The following HSD17B4 variants were observed in gnomAD, a reference collection of about 807,000 sequenced individuals.
HSD17B4 encodes the protein peroxisomal multifunctional enzyme type 2.
In HSD17B4, 70 loss-of-function variants were observed where a neutral mutation model predicts 101.0. The observed-to-expected ratio is 0.69, with a 90% CI of 0.57 to 0.85. The LOEUF is 0.85. HSD17B4 is among the 40% of genes least tolerant of loss of function. The probability of loss-of-function intolerance (pLI) is 0.00; values close to 1 mark genes in which losing one functional copy is unlikely to be tolerated. For synonymous variants in HSD17B4, 347 were observed against 297.1 expected (o/e 1.17, Z -1.73); for missense variants, 984 against 892.4 (o/e 1.10, Z -1.31).
chr5:119,475,621 C>A, intron 4 of HSD17B4, 85 bp from the exon 5 acceptor site: 1 of 1,095,830 alleles, frequency 9.1e-7, no homozygotes, highest in Non-Finnish European at 1.4e-6. Context: ...TAAAAAACGC[C>A]AGTTTTGAGA....
At chr5:119,463,464 A>G (rs1755467707) in intron 2 of HSD17B4, among the ~76,000 whole-genome samples, 1 of 148,880 alleles carries the variant, frequency 6.7e-6, no homozygotes, top group Non-Finnish European at 1.5e-5. Context: ...ACTAATTTAC[A>G]TTTCCACCAA....
At chr5:119,518,147 C>G (rs28673725) in intron 17 of HSD17B4, among the ~76,000 whole-genome samples, 1,827 of 152,230 alleles carry the variant, frequency 0.012, 15 homozygotes, top group African/African-American at 0.022. Context: ...TCACTCTTTG[C>G]AATAAATCTT....
At chr5:119,503,979 T>G (rs1004267179) in intron 14 of HSD17B4, among the ~76,000 whole-genome samples, 1 of 152,116 alleles carries the variant, frequency 6.6e-6, no homozygotes, top group Non-Finnish European at 1.5e-5. Context: ...CCCATCTTTA[T>G]GTCCACGTGT....
Position 119,452,564 on chromosome 5 carries a change from C to A in HSD17B4, c.-12C>A, listed in dbSNP as rs780228266. 2.5e-6 allele frequency: 4 copies of A among 1,613,976 alleles called. No individual in the cohort carries two copies. The highest frequency in any genetic ancestry group is 3.4e-6 in the Non-Finnish European group (4 of 1,179,998). On this transcript the variant is annotated 5_prime_UTR_variant, in exon 1 of 24. Coordinates refer to ENST00000510025, the MANE Select transcript of HSD17B4 (RefSeq NM_000414.4). ...CTGCTTGTTCGTGTGTGTGTCGTTG[C>A]AGGCCTTATTCATGGGCTCACCGCT... is the stretch of plus-strand genomic sequence containing the variant.
At chr5:119,496,038 G>A (rs1291068394) in intron 11 of HSD17B4, among the ~76,000 whole-genome samples, 1 of 152,012 alleles carries the variant, frequency 6.6e-6, no homozygotes, top group Non-Finnish European at 1.5e-5. Context: ...TGGAGTCATT[G>A]GTTATGATGA....
At chr5:119,499,062 A>G (rs1207208576) in intron 12 of HSD17B4, among the ~76,000 whole-genome samples, 2 of 152,170 alleles carry the variant, frequency 1.3e-5, no homozygotes, top group African/African-American at 4.8e-5. Flanking sequence ...AGAGACAGGA[A>G]AGTTGAGTAT....
chr5:119,517,384 C>T (rs2431545), intron 17 of HSD17B4, among the ~76,000 whole-genome samples: 4 of 152,204 alleles, frequency 2.6e-5, no homozygotes, highest in African/African-American at 7.2e-5. Flanking sequence ...GCCTGAGCCT[C>T]CCACCCCCTC....
intron 13 of HSD17B4, 100 bp from the exon 14 acceptor site, chr5:119,501,941 C>A: frequency 1.3e-6 from 1 of 742,646 alleles, no homozygotes; most frequent in South Asian, 1.6e-5. Flanking sequence ...GAAATGTGAG[C>A]CTGTGGATGG....
chr5:119,508,791 C>G (rs32662), intron 15 of HSD17B4, among the ~76,000 whole-genome samples: 1 of 151,940 alleles, frequency 6.6e-6, no homozygotes, highest in Non-Finnish European at 1.5e-5. Flanking sequence ...TTTGAAAGTT[C>G]GAGTGTGGTT....
chr5:119,452,861 C>T (rs1754205282), intron 1 of HSD17B4: 1 of 1,535,288 alleles, frequency 6.5e-7, no homozygotes, highest in Non-Finnish European at 8.7e-7. Context: ...TGTGGGCTTC[C>T]CAAGGTCCTG....
At chr5:119,538,316 C>A (rs1434989076) in intron 23 of HSD17B4, among the ~76,000 whole-genome samples, 2 of 152,156 alleles carry the variant, frequency 1.3e-5, no homozygotes, top group East Asian at 1.9e-4. Context: ...AATTCATCTT[C>A]TCTTCCTCTC....
At chr5:119,461,896 A>C (rs1333604089) in intron 2 of HSD17B4, among the ~76,000 whole-genome samples, 2 of 152,178 alleles carry the variant, frequency 1.3e-5, no homozygotes, top group African/African-American at 2.4e-5. Flanking sequence ...AAAAACGAAA[A>C]GGATTTCCCA....
At chr5:119,503,110 G>GTGTGTA (rs1278463709) in intron 14 of HSD17B4, among the ~76,000 whole-genome samples, 1 of 149,950 alleles carries the variant, frequency 6.7e-6, no homozygotes, top group African/African-American at 2.4e-5. Flanking sequence ...GTGTGTGTGT[G>GTGTGTA]TGTGTATGTG....
chr5:119,455,300 C>T (rs575342707), intron 1 of HSD17B4, among the ~76,000 whole-genome samples: 10 of 152,176 alleles, frequency 6.6e-5, no homozygotes, highest in South Asian at 4.1e-4. Context: ...GGGCTGATCA[C>T]GAGGTCAAGA....
intron 2 of HSD17B4, 27 bp downstream of exon 2, chr5:119,456,395 T>A (rs200012250): frequency 1.7e-5 from 24 of 1,390,310 alleles, no homozygotes; most frequent in Admixed American, 5.0e-5. Flanking sequence ...TTCTTTTTAA[T>A]CTGTAGCTGA....
At chr5:119,531,439 G>A in intron 22 of HSD17B4, 35 bp downstream of exon 22, 6 of 1,570,092 alleles carry the variant, frequency 3.8e-6, no homozygotes, top group Non-Finnish European at 5.3e-6. Flanking sequence ...ATATTCTAAG[G>A]TAATTCTTAG....
At chr5:119,463,906 A>G (rs182619571) in intron 2 of HSD17B4, among the ~76,000 whole-genome samples, 6 of 152,046 alleles carry the variant, frequency 3.9e-5, no homozygotes, top group Admixed American at 2.0e-4. Context: ...CCTCATCTCA[A>G]ATGATCCGCC....
At position 119,489,775 on chromosome 5, in the gene HSD17B4, G is replaced by A. The variant is rs552041940; in HGVS notation, c.714+492G>A. Among the ~76,000 whole-genome samples the A allele has an allele frequency of 3.9e-5, 6 of 152,106 alleles. No individual in the cohort carries two copies. The South Asian group carries it at 1.2e-3, about 32-fold the overall frequency. ...ATCAGTATAGCAGGAATTTAATCTT[G>A]TGTGATAGGTCAATAAATATAACAT... On this transcript the variant is annotated intron_variant, in intron 9 of 23. Coordinates refer to ENST00000510025, the MANE Select transcript of HSD17B4 (RefSeq NM_000414.4).
chr5:119,467,646 C>G (rs1008352068), intron 2 of HSD17B4, among the ~76,000 whole-genome samples: 6 of 152,086 alleles, frequency 3.9e-5, no homozygotes, highest in Admixed American at 1.3e-4. Context: ...TGTGCAGGTT[C>G]ACTTATACAT....
Sources: allele counts gnomAD v4.1 joint callset (sites outside exome capture counted in the v4.1 genomes callset), GRCh38; gene constraint gnomAD v4.1.1; transcripts MANE v1.5; gene names NCBI Gene and HGNC (gene_info 2026-07-23, HGNC 2026-07-21).